The following DHX15 variants were observed in gnomAD, a reference collection of about 807,000 sequenced individuals.
DHX15 encodes the protein ATP-dependent RNA helicase DHX15.
In DHX15, 11 loss-of-function variants were observed where a neutral mutation model predicts 94.4. The observed-to-expected ratio is 0.12, with a 90% CI of 0.07 to 0.19. The LOEUF (loss-of-function observed/expected upper bound fraction) is 0.19. Ranked by LOEUF, DHX15 falls within the 10% of genes least tolerant of loss-of-function variation. The pLI is 1.00. For missense variants in DHX15, 304 were observed against 988.5 expected, an observed-to-expected ratio of 0.31 and a Z score of 9.29; for synonymous variants, 338 against 329.9, an observed-to-expected ratio of 1.02 and a Z score of -0.27.
intron 1 of DHX15, among the ~76,000 whole-genome samples, chr4:24,577,309 T>C (rs1722290613): frequency 6.6e-6 from 1 of 152,242 alleles, no homozygotes; most frequent in Non-Finnish European, 1.5e-5. Context: ...TCTCAACTAA[T>C]ACAAATACGA....
chr4:24,534,374 G>A (rs1721150758), intron 11 of DHX15, among the ~76,000 whole-genome samples: 2 of 152,156 alleles, frequency 1.3e-5, no homozygotes, highest in African/African-American at 2.4e-5. Flanking sequence ...TTTTTTGTGT[G>A]GTTCTCAATT....
intron 2 of DHX15, among the ~76,000 whole-genome samples, chr4:24,574,347 T>C (rs1034311625): frequency 1.3e-5 from 2 of 152,108 alleles, no homozygotes; most frequent in Admixed American, 6.6e-5. Flanking sequence ...TAGGAAACAT[T>C]TGAATGAAAT....
chr4:24,527,555 A>G lies in DHX15; in HGVS notation c.*369T>C, dbSNP rs1010446238. ...TGTCTACATAAGCACAAGTTGTAAC[A>G]TTTCACAACTTCTAAAAGGAATGTC... On this transcript the variant is annotated 3_prime_UTR_variant, in exon 14 of 14. Transcript: ENST00000336812. 1 of 172,906 alleles carries G rather than the reference A, an allele frequency of 5.8e-6. No individual in the cohort carries two copies. Among genetic ancestry groups the G allele is most frequent in the African/African-American group, 2.4e-5 (1 of 42,090 alleles). The allele number at this position is 172,906 out of a possible 1,614,324, so 10.7% of individuals were successfully genotyped here. A position where few individuals can be genotyped will look rare whatever the true frequency, so the allele number is the denominator to read the frequency against.
rs1362038858 is a variant in DHX15 at position 24,576,429 on chromosome 4, A to T, written c.321T>A (p.Gly107=). Residue 107 remains glycine, a synonymous_variant, in exon 2 of 14, where the codon GGT becomes GGA. Transcript: ENST00000336812. Reference sequence around the variant, plus strand: ...TAATGCACTGTGGAAGTGACGTGTGACCTGCATGTCCGGCATGCGTTGAAT... The same window carrying T: ...TAATGCACTGTGGAAGTGACGTGTGTCCTGCATGTCCGGCATGCGTTGAAT... The part of the protein sequence containing the change: ...SAHSTHAGHA[G]HTSLPQCINP... 1.2e-6 allele frequency: 2 copies of T among 1,614,200 alleles called. No individual in the cohort carries two copies. The highest frequency in any genetic ancestry group is 1.7e-6 in the Non-Finnish European group (2 of 1,180,038).
intron 6 of DHX15, among the ~76,000 whole-genome samples, chr4:24,546,022 C>G (rs563717949): frequency 1.3e-5 from 2 of 152,092 alleles, no homozygotes; most frequent in Admixed American, 1.3e-4. Context: ...CACTTCCCCC[C>G]ACTCCGCCCC....
intron 6 of DHX15, among the ~76,000 whole-genome samples, chr4:24,547,931 A>ATATCTATC (rs1380972691): frequency 2.8e-5 from 1 of 36,326 alleles, no homozygotes; most frequent in Non-Finnish European, 5.0e-5. Flanking sequence ...ATATATATAT[A>ATATCTATC]TATATATATA....
intron 6 of DHX15, among the ~76,000 whole-genome samples, chr4:24,548,106 G>T (rs182640108): frequency 6.7e-6 from 1 of 148,772 alleles, no homozygotes; most frequent in East Asian, 2.0e-4. Context: ...TGCATTCCAG[G>T]AACTCACATA....
chr4:24,559,767 T>G (rs989458752), intron 3 of DHX15, among the ~76,000 whole-genome samples: 1 of 152,152 alleles, frequency 6.6e-6, no homozygotes, highest in Admixed American at 6.6e-5. Flanking sequence ...TTGGAACTAG[T>G]AAGAACTACA....
chr4:24,569,455 G>C lies in DHX15; in HGVS notation c.701+1199C>G, dbSNP rs532827219. On this transcript the variant is annotated intron_variant, in intron 3 of 13. Transcript: ENST00000336812. ...AAGATACAAAAAGTTAGCCAGGCATGGTGGCGCACACCTATAGTCCCAGCT... is the reference window on the plus strand; with the variant it reads ...AAGATACAAAAAGTTAGCCAGGCATCGTGGCGCACACCTATAGTCCCAGCT... 2.0e-5 allele frequency among the ~76,000 whole-genome samples: 3 copies of C among 152,136 alleles called. No individual in the cohort carries two copies. The East Asian group carries it at 5.8e-4, about 29-fold the overall frequency.
intron 12 of DHX15, 149 bp from the exon 13 acceptor site, chr4:24,529,919 A>G (rs1721038396): frequency 1.2e-6 from 1 of 808,902 alleles, no homozygotes. Flanking sequence ...AAGCAGAGAT[A>G]AGCAAACTGC....
chr4:24,577,775 T>C (rs1004430044), intron 1 of DHX15, among the ~76,000 whole-genome samples: 4 of 152,134 alleles, frequency 2.6e-5, no homozygotes, highest in African/African-American at 9.7e-5. Context: ...TCTGGGAGAC[T>C]GGTGGTGGGA....
chr4:24,555,902 A>G (rs2109407822), intron 4 of DHX15, among the ~76,000 whole-genome samples: 1 of 150,670 alleles, frequency 6.6e-6, no homozygotes, highest in East Asian at 1.9e-4. Flanking sequence ...GTGATGAGAC[A>G]AGGACATGGA....
At chr4:24,566,671 C>T (rs1722001146) in intron 3 of DHX15, among the ~76,000 whole-genome samples, 1 of 151,964 alleles carries the variant, frequency 6.6e-6, no homozygotes, top group Non-Finnish European at 1.5e-5. Flanking sequence ...ACTAAAAATA[C>T]AAAAAGTAGC....
rs1265153505 is a variant in DHX15 at position 24,537,995 on chromosome 4, T to C, written c.1787-822A>G. 1 of 152,182 alleles carries C rather than the reference T, an allele frequency of 6.6e-6. No homozygotes were observed. Among genetic ancestry groups the C allele is most frequent in the Non-Finnish European group, 1.5e-5 (1 of 68,024 alleles). 9.4% of individuals were successfully genotyped at this position (152,182 alleles called of 1,614,324 possible). On this transcript the variant is annotated intron_variant, in intron 10 of 13. Transcript: ENST00000336812. This position sits in a 1 kb window ranked among gnomAD's most constrained non-coding sequence, Gnocchi z 4.7. ...TAGTCTGAAACAATCATATCAAGGG[T>C]CATCAAGATATGTAACTACAGTTAT...
At chr4:24,528,335 C>T (rs1459071273) in intron 13 of DHX15, among the ~76,000 whole-genome samples, 1 of 152,142 alleles carries the variant, frequency 6.6e-6, no homozygotes, top group Middle Eastern at 3.2e-3. Context: ...GATTTCTTTA[C>T]TCTGGCACAC....
intron 11 of DHX15, chr4:24,533,441 TAACTGCA>T: frequency 4.0e-6 from 1 of 251,112 alleles, no homozygotes; most frequent in Non-Finnish European, 7.9e-6. Flanking sequence ...TAGATTAAGA[TAACTGCA>T]AACAATTGTT....
chr4:24,527,666 T>C lies in DHX15; in HGVS notation c.*258A>G, dbSNP rs1011330589. 1.8e-5 allele frequency: 6 copies of C among 336,938 alleles called. No homozygotes were observed. Among genetic ancestry groups the C allele is most frequent in the African/African-American group, 6.2e-5 (3 of 48,200 alleles). 20.9% of individuals were successfully genotyped at this position (336,938 alleles called of 1,614,324 possible). ...CATTTCTAAAGAAATGCTTATAACA[T>C]TGTTATATATAGAACTACTTTCAAT... is the stretch of plus-strand genomic sequence containing the variant. On this transcript the variant is annotated 3_prime_UTR_variant, in exon 14 of 14. Coordinates refer to ENST00000336812, the MANE Select transcript of DHX15 (RefSeq NM_001358.3).
chr4:24,564,038 G>A (rs1193596679), intron 3 of DHX15, among the ~76,000 whole-genome samples: 1 of 134,380 alleles, frequency 7.4e-6, no homozygotes, highest in African/African-American at 2.9e-5. Context: ...CTGCACTCCA[G>A]CCTAGGGAAC....
intron 8 of DHX15, among the ~76,000 whole-genome samples, chr4:24,541,506 AG>A (rs1721311818): frequency 6.6e-6 from 1 of 152,124 alleles, no homozygotes; most frequent in South Asian, 2.1e-4. Flanking sequence ...AAACGCTGAA[AG>A]TTAGTAAGGA....
Sources: gnomAD v4.1 joint callset for allele counts (sites outside exome capture counted in the v4.1 genomes callset) on GRCh38, gnomAD v4.1.1 for gene constraint, Gnocchi (gnomAD v3.1) non-coding constraint, MANE v1.5 for transcripts, NCBI Gene and HGNC (gene_info 2026-07-23, HGNC 2026-07-21) for gene names.